Variants in CROT observed in about 807,000 individuals in gnomAD.
CROT encodes carnitine O-octanoyltransferase, also known as peroxisomal carnitine O-octanoyltransferase.
In CROT, 84 loss-of-function variants were observed where a neutral mutation model predicts 89.2. The observed-to-expected ratio is 0.94, with a 90% CI of 0.79 to 1.13. CROT has a LOEUF of 1.13. Ranked by LOEUF, CROT falls within the 50% of genes most tolerant of loss-of-function variation. The pLI is 0.00. For synonymous variants in CROT, 212 were observed against 239.5 expected (o/e 0.89, Z 1.06); for missense variants, 711 against 727.8 (o/e 0.98, Z 0.27).
Position 87,381,929 on chromosome 7 carries a change from T to C in CROT, c.998T>C (p.Met333Thr). 1 of 1,609,212 alleles carries C rather than the reference T, an allele frequency of 6.2e-7. No homozygotes were observed. The part of the protein sequence containing the change: ...CNCDHAPFDA[M>T]IMVNISYYVD... ...TTTTAGCATGCTCCTTTTGATGCAATGATTATGGTGAACATCAGTTATTAT... is the reference window on the plus strand; with the variant it reads ...TTTTAGCATGCTCCTTTTGATGCAACGATTATGGTGAACATCAGTTATTAT... The change falls in exon 11 of 18, where the codon ATG (methionine) becomes ACG (threonine). Residue 333 changes from methionine to threonine, a missense_variant. Physicochemically the swap from Met to Thr is moderately conservative, Grantham distance 81 (BLOSUM62 -1). Transcript: ENST00000331536.
At chr7:87,382,237 T>G in intron 12 of CROT, 56 bp downstream of exon 12, 1 of 1,482,944 alleles carries the variant, frequency 6.7e-7, no homozygotes, top group South Asian at 1.2e-5. Flanking sequence ...AACAACCATA[T>G]GTAAAAATTT....
rs374490862 is a variant in CROT, at chr7:87,376,054, C to T, written c.876+101C>T. On this transcript the variant is annotated intron_variant, in intron 9 of 17. Coordinates refer to ENST00000331536, the MANE Select transcript of CROT (RefSeq NM_021151.4). ...TTTTTTCTTTTTCTACCTTTAGGCT[C>T]TTGAAACTTTTTCTTAGTTATACAA... is the stretch of plus-strand genomic sequence containing the variant. 116 of 1,158,050 alleles carry T rather than the reference C, an allele frequency of 1.0e-4. 1 individual carries two copies. The South Asian group carries it at 2.0e-3, about 20-fold the overall frequency. The allele number at this position is 1,158,050 out of a possible 1,614,324, so 71.7% of individuals were successfully genotyped here. A position where few individuals can be genotyped will look rare whatever the true frequency, so the allele number is the denominator to read the frequency against.
At chr7:87,355,559 T>C (rs561189051) in intron 3 of CROT, among the ~76,000 whole-genome samples, 4 of 152,286 alleles carry the variant, frequency 2.6e-5, no homozygotes, top group African/African-American at 9.6e-5. Flanking sequence ...AATTGAGAGA[T>C]GCTGAATTAA....
chr7:87,358,786 A>G (rs144022714), intron 3 of CROT, among the ~76,000 whole-genome samples: 126 of 152,286 alleles, frequency 8.3e-4, no homozygotes, highest in African/African-American at 2.9e-3. Context: ...AGAGGCAAGC[A>G]CACTCATTAT....
chr7:87,350,582 G>A (rs539845278), intron 3 of CROT, among the ~76,000 whole-genome samples: 38 of 152,226 alleles, frequency 2.5e-4, no homozygotes, highest in Admixed American at 4.6e-4. Flanking sequence ...ACAATATGTC[G>A]TAGAAGGTAA....
At chr7:87,395,955 A>G (rs1205656427) in intron 17 of CROT, among the ~76,000 whole-genome samples, 1 of 152,196 alleles carries the variant, frequency 6.6e-6, no homozygotes, top group Non-Finnish European at 1.5e-5. Context: ...ACCATTGAAG[A>G]TGCCATTGTT....
At chr7:87,391,744 A>T in intron 14 of CROT, 32 bp downstream of exon 14, 1 of 1,594,290 alleles carries the variant, frequency 6.3e-7, no homozygotes, top group Non-Finnish European at 8.5e-7. Flanking sequence ...AACTCACAAG[A>T]TTTGTTTAAT....
chr7:87,357,423 A>ATGT, intron 3 of CROT: 2 of 1,534,908 alleles, frequency 1.3e-6, no homozygotes, highest in Non-Finnish European at 8.8e-7. Context: ...GCCAAGACAG[A>ATGT]CCCCATTTAT....
chr7:87,354,418 A>G (rs1300291535), intron 3 of CROT: 1 of 518,308 alleles, frequency 1.9e-6, no homozygotes, highest in Admixed American at 1.9e-5. Flanking sequence ...TAGGAAGAGT[A>G]TATTCAAGGT....
At chr7:87,365,720 AC>A (rs1806422751) in intron 6 of CROT, among the ~76,000 whole-genome samples, 1 of 145,848 alleles carries the variant, frequency 6.9e-6, no homozygotes, top group South Asian at 2.1e-4. Context: ...CAGTCCTCCC[AC>A]TTCAGCCTCC....
intron 17 of CROT, among the ~76,000 whole-genome samples, chr7:87,395,111 T>G (rs1807485378): frequency 6.6e-6 from 1 of 152,108 alleles, no homozygotes; most frequent in Non-Finnish European, 1.5e-5. Flanking sequence ...ACTCACACGA[T>G]CACAAGGTCC....
intron 13 of CROT, among the ~76,000 whole-genome samples, chr7:87,387,506 G>A (rs766254735): frequency 3.9e-4 from 59 of 151,598 alleles, no homozygotes; most frequent in Non-Finnish European, 7.1e-4. Context: ...ATGGAGGTTA[G>A]GGGTCCCCAA....
intron 10 of CROT, among the ~76,000 whole-genome samples, chr7:87,380,153 A>C (rs1806944871): frequency 1.1e-5 from 1 of 88,122 alleles, no homozygotes; most frequent in Non-Finnish European, 2.7e-5. Context: ...GTACTGTAAA[A>C]TAAAGCTTAT....
At position 87,381,975 on chromosome 7, in the gene CROT, G is replaced by A; in HGVS notation, c.1044G>A (p.Gln348=). ...ISYYVDEKIF[Q]NEGRWKGSEK... ...ATTATGTGGATGAGAAAATTTTTCA[G>A]AATGAAGGAAGATGGAAGGTATGTT... The change falls in exon 11 of 18, where the codon CAG becomes CAA. Residue 348 remains glutamine (Q), a synonymous_variant. Transcript: ENST00000331536. The A allele has an allele frequency of 6.2e-7, 1 of 1,607,784 alleles. No homozygotes were observed. Among genetic ancestry groups the A allele is most frequent in the East Asian group, 2.2e-5 (1 of 44,684 alleles).
chr7:87,359,467 G>T, intron 4 of CROT, 137 bp downstream of exon 4: 1 of 1,404,010 alleles, frequency 7.1e-7, no homozygotes, highest in African/African-American at 1.5e-5. Flanking sequence ...AAGAAGGAAT[G>T]AATCACTTAA....
chr7:87,373,699 C>G (rs1806714102), intron 7 of CROT, among the ~76,000 whole-genome samples: 1 of 151,910 alleles, frequency 6.6e-6, no homozygotes, highest in South Asian at 2.1e-4. Context: ...AGTTGGTTGC[C>G]TCTTACATAA....
chr7:87,398,450 A>G (rs1032848436), intron 17 of CROT, 74 bp from the exon 18 acceptor site: 1 of 1,547,548 alleles, frequency 6.5e-7, no homozygotes, highest in African/African-American at 1.4e-5. Flanking sequence ...CAGATGAAAT[A>G]AAGTCCTGGT....
At chr7:87,353,879 G>A (rs539685404) in intron 3 of CROT, among the ~76,000 whole-genome samples, 94 of 152,270 alleles carry the variant, frequency 6.2e-4, no homozygotes, top group African/African-American at 1.9e-3. Flanking sequence ...AACACTGGGC[G>A]TTACATTTCA....
chr7:87,397,718 C>A (rs1231930028), intron 17 of CROT, among the ~76,000 whole-genome samples: 1 of 152,182 alleles, frequency 6.6e-6, no homozygotes, highest in Non-Finnish European at 1.5e-5. Flanking sequence ...ACATTGGTTT[C>A]ATCATTATAT....
Sources: gnomAD v4.1 joint callset for allele counts (sites outside exome capture counted in the v4.1 genomes callset) on GRCh38, gnomAD v4.1.1 for gene constraint, MANE v1.5 for transcripts, NCBI Gene and HGNC (gene_info 2026-07-23, HGNC 2026-07-21) for gene names.